The following PHF14 variants were observed in gnomAD, a reference collection of about 807,000 sequenced individuals.
PHF14 encodes the protein PHD finger protein 14.
A neutral mutation model predicts 117.9 loss-of-function variants in PHF14; 55 were observed. The ratio of observed to expected loss-of-function variants is 0.47; its 90% CI spans 0.38 to 0.58. The LOEUF (loss-of-function observed/expected upper bound fraction) is 0.58, where lower values mean the gene tolerates loss of function less well. Among genes scored for constraint, PHF14 ranks in the 20% least tolerant of loss-of-function variants. The probability of loss-of-function intolerance (pLI) is 0.00; values close to 1 mark genes in which losing one functional copy is unlikely to be tolerated. For synonymous variants in PHF14, 409 were observed against 368.6 expected (o/e 1.11, Z -1.26); for missense variants, 978 against 1,122.2 (o/e 0.87, Z 1.84).
chr7:11,052,068 C>T (rs940513675), intron 14 of PHF14, among the ~76,000 whole-genome samples: 3 of 152,176 alleles, frequency 2.0e-5, no homozygotes, highest in East Asian at 1.9e-4. Context: ...GTAAACCCCT[C>T]GACAAGCTCA....
intron 6 of PHF14, 147 bp from the exon 7 acceptor site, chr7:11,028,534 G>T (rs894591828): frequency 5.9e-6 from 4 of 676,226 alleles, no homozygotes; most frequent in Non-Finnish European, 9.8e-6. Context: ...CTCTTGGCTC[G>T]CCTATGATTA....
chr7:11,134,956 A>G (rs997154500), intron 17 of PHF14, among the ~76,000 whole-genome samples: 6 of 152,092 alleles, frequency 3.9e-5, no homozygotes, highest in African/African-American at 1.2e-4. Context: ...AAACATGCTG[A>G]TATCTTTGTC....
intron 13 of PHF14, among the ~76,000 whole-genome samples, chr7:11,044,852 G>A (rs1784615016): frequency 6.6e-6 from 1 of 152,042 alleles, no homozygotes; most frequent in Non-Finnish European, 1.5e-5. Flanking sequence ...TTTGGATTTT[G>A]TTTTTGTATT....
intron 17 of PHF14, among the ~76,000 whole-genome samples, chr7:11,148,984 A>T (rs1331807167): frequency 1.3e-5 from 2 of 152,082 alleles, no homozygotes; most frequent in Non-Finnish European, 2.9e-5. Context: ...GTTTATTTAA[A>T]CCCAAAGTCA....
chr7:10,988,202 A>C (rs910824557), intron 3 of PHF14, among the ~76,000 whole-genome samples: 1 of 152,130 alleles, frequency 6.6e-6, no homozygotes, highest in Non-Finnish European at 1.5e-5. Context: ...GCCTCAAGTC[A>C]TGAGGATCAG....
intron 17 of PHF14, among the ~76,000 whole-genome samples, chr7:11,167,177 A>G (rs571296777): frequency 6.6e-6 from 1 of 152,276 alleles, no homozygotes; most frequent in South Asian, 2.1e-4. Context: ...GCTAGAGAAA[A>G]CTAGATAGCC....
chr7:11,120,544 C>A (rs537060091), intron 17 of PHF14, among the ~76,000 whole-genome samples: 2 of 151,984 alleles, frequency 1.3e-5, no homozygotes, highest in South Asian at 2.1e-4. Context: ...GAAAAATGTC[C>A]ATTTGTTATA....
intron 16 of PHF14, among the ~76,000 whole-genome samples, chr7:11,093,928 G>A (rs1786745302): frequency 6.6e-6 from 1 of 151,910 alleles, no homozygotes; most frequent in Non-Finnish European, 1.5e-5. Flanking sequence ...TAGGAGTAGA[G>A]GATTTTTTTT....
chr7:11,059,973 T>G (rs1023401603), intron 14 of PHF14, among the ~76,000 whole-genome samples: 2 of 152,110 alleles, frequency 1.3e-5, no homozygotes, highest in Non-Finnish European at 2.9e-5. Flanking sequence ...TGGGCTCAAG[T>G]TATCTTCCCA....
intron 6 of PHF14, among the ~76,000 whole-genome samples, chr7:11,023,504 CCT>C (rs1393077010): frequency 6.6e-6 from 1 of 152,160 alleles, no homozygotes; most frequent in East Asian, 1.9e-4. Context: ...TTGGTTGGGG[CCT>C]CTCTGTTCGC....
Position 11,092,448 on chromosome 7 carries a change from A to G in PHF14, c.2655-18902A>G, listed in dbSNP as rs117089337. ...GCCTTATGCATAAAGCCCTTATGCT[A>G]AAGTCCTAAGATAGTGGTTCTCAAT... On this transcript the variant is annotated intron_variant, in intron 16 of 17. Coordinates refer to ENST00000634607, the MANE Select transcript of PHF14 (RefSeq NM_001007157.2). Among the ~76,000 whole-genome samples the G allele has an allele frequency of 4.3e-3, 650 of 152,328 alleles. 5 individuals carry two copies. Among genetic ancestry groups the G allele is most frequent in the Admixed American group, 6.9e-3 (106 of 15,292 alleles).
intron 4 of PHF14, among the ~76,000 whole-genome samples, chr7:10,991,938 A>G (rs113807892): frequency 0.016 from 2,384 of 151,140 alleles, 49 homozygotes; most frequent in African/African-American, 0.055. Flanking sequence ...ATTTTTAAAA[A>G]TTATTTCTAG....
chr7:11,055,522 C>T (rs1784987532), intron 14 of PHF14, among the ~76,000 whole-genome samples: 1 of 152,110 alleles, frequency 6.6e-6, no homozygotes, highest in Non-Finnish European at 1.5e-5. Flanking sequence ...AAAATAAATG[C>T]AATAAATAGG....
chr7:11,013,990 C>G, intron 5 of PHF14, 84 bp downstream of exon 5: 1 of 831,724 alleles, frequency 1.2e-6, no homozygotes, highest in Non-Finnish European at 1.8e-6. Flanking sequence ...TTTATGATTA[C>G]ACACTTTCAT....
At chr7:11,105,194 T>A (rs1018950874) in intron 16 of PHF14, 2 of 962,954 alleles carry the variant, frequency 2.1e-6, no homozygotes, top group African/African-American at 1.8e-5. Context: ...GCCTTAGCTT[T>A]TATCCATCTT....
chr7:11,111,251 A>G, intron 16 of PHF14, 99 bp from the exon 17 acceptor site: 1 of 513,984 alleles, frequency 1.9e-6, no homozygotes, highest in Admixed American at 3.4e-5. Context: ...ACAGTGTTGA[A>G]GTTGAAATAT....
intron 16 of PHF14, among the ~76,000 whole-genome samples, chr7:11,075,191 A>T (rs1002859562): frequency 6.6e-6 from 1 of 151,996 alleles, no homozygotes; most frequent in Non-Finnish European, 1.5e-5. Flanking sequence ...CTTCTGCCTC[A>T]TCCTCCCAAA....
rs952492021 is a variant in PHF14, at chr7:11,106,121, T to G, written c.2655-5229T>G. 2.0e-5 allele frequency: 20 copies of G among 983,902 alleles called. No individual in the cohort carries two copies. In the African/African-American group the frequency reaches 2.8e-4, roughly 14 times the overall value. 60.9% of individuals were successfully genotyped at this position (983,902 alleles called of 1,614,324 possible). On this transcript the variant is annotated intron_variant, in intron 16 of 17. Transcript: ENST00000634607. ...TTATTGTGTATTTTTATATGAATTG[T>G]TTTGTCTCATCTTTCATTTTCTTGT...
intron 17 of PHF14, among the ~76,000 whole-genome samples, chr7:11,143,696 C>G (rs2093421672): frequency 6.6e-6 from 1 of 152,032 alleles, no homozygotes; most frequent in African/African-American, 2.4e-5. Context: ...TACTAAGCAT[C>G]TTGTAAGTGT....
Sources: allele counts gnomAD v4.1 joint callset (sites outside exome capture counted in the v4.1 genomes callset), GRCh38; gene constraint gnomAD v4.1.1; transcripts MANE v1.5; gene names NCBI Gene and HGNC (gene_info 2026-07-23, HGNC 2026-07-21).